TBC1D31: variants seen among roughly 807,000 people sequenced by gnomAD.
TBC1D31 encodes the protein WD repeat domain 67.
In TBC1D31, 99 loss-of-function variants were observed where a neutral mutation model predicts 132.9. The observed-to-expected ratio is 0.74, with a 90% CI of 0.63 to 0.88. TBC1D31 has a LOEUF of 0.88. TBC1D31 is among the 40% of genes least tolerant of loss of function. The pLI is 0.00. For missense variants in TBC1D31, 1,134 were observed against 1,256.6 expected, an observed-to-expected ratio of 0.90 and a Z score of 1.48; for synonymous variants, 385 against 419.4, an observed-to-expected ratio of 0.92 and a Z score of 1.00.
rs147498795 is a variant in TBC1D31 at position 123,129,216 on chromosome 8, G to A, written c.2268G>A (p.Gln756=). Residue 756 remains glutamine, a splice_region_variant and synonymous_variant, in exon 15 of 22, where the codon CAG becomes CAA. Transcript: ENST00000287380. ...AGGAGAAAATGATACAACAAAGACA[G>A]AGGTATGTGTTATCACTTTAAAAAA... ...QEEEKMIQQR[Q]RLAAVKRELK... 3.3e-4 allele frequency: 524 copies of A among 1,567,822 alleles called. 1 individual carries two copies. The African/African-American group carries it at 6.3e-3, about 19-fold the overall frequency.
intron 11 of TBC1D31, among the ~76,000 whole-genome samples, chr8:123,125,770 A>AGTCAGGAGCCAGAATGCC (rs1367918993): frequency 1.3e-5 from 2 of 152,312 alleles, no homozygotes; most frequent in Non-Finnish European, 1.5e-5. Flanking sequence ...ACAAAGCAGG[A>AGTCAGGAGCCAGAATGCC]GTCAGGAGCC....
chr8:123,148,219 T>C (rs1416053124), intron 20 of TBC1D31, among the ~76,000 whole-genome samples: 1 of 152,130 alleles, frequency 6.6e-6, no homozygotes, highest in Non-Finnish European at 1.5e-5. Context: ...GATCTAATAA[T>C]AGTAATAATT....
rs762612207 is a variant in TBC1D31, at chr8:123,082,767, C to A, written c.290C>A (p.Ser97Tyr). ...TALAFNLRRK[S>Y]EFLVALADYS... The stretch of plus-strand genomic sequence containing the variant: ...CTGGCCTTTAATCTTCGTAGGAAAT[C>A]TGAATTCCTTGTGGCATTAGCTGAT... Residue 97 changes from serine to tyrosine, a missense_variant, in exon 3 of 22, where the codon TCT becomes TAT. Physicochemically the swap from Ser to Tyr is moderately radical, Grantham distance 144. Coordinates refer to ENST00000287380, the MANE Select transcript of TBC1D31 (RefSeq NM_145647.4). The A allele has an allele frequency of 7.4e-6, 12 of 1,613,428 alleles. No individual in the cohort carries two copies. The highest frequency in any genetic ancestry group is 6.8e-6 in the Non-Finnish European group (8 of 1,179,968).
intron 16 of TBC1D31, 33 bp downstream of exon 16, chr8:123,130,366 A>C (rs1563740058): frequency 1.3e-6 from 2 of 1,584,088 alleles, no homozygotes; most frequent in East Asian, 4.5e-5. Context: ...CTCATACATC[A>C]TCTCCATTTA....
intron 11 of TBC1D31, among the ~76,000 whole-genome samples, chr8:123,124,782 A>T (rs2130758694): frequency 6.6e-6 from 1 of 151,778 alleles, no homozygotes; most frequent in East Asian, 1.9e-4. Flanking sequence ...ACAAAAAAAA[A>T]AAAAATGAGC....
the TBC1D31 span, among the ~76,000 whole-genome samples, chr8:123,163,225 T>C: frequency 6.6e-6 from 1 of 152,170 alleles, no homozygotes; most frequent in Non-Finnish European, 1.5e-5. Context: ...TGGCCTTTTA[T>C]TTTTTAAACA....
intron 5 of TBC1D31, among the ~76,000 whole-genome samples, chr8:123,095,505 G>A (rs1263126345): frequency 6.6e-6 from 1 of 152,062 alleles, no homozygotes; most frequent in African/African-American, 2.4e-5. Flanking sequence ...TGGTTTATTA[G>A]CATCTTTCAA....
chr8:123,076,961 C>T, intron 1 of TBC1D31, 150 bp from the exon 2 acceptor site: 1 of 617,626 alleles, frequency 1.6e-6, no homozygotes, highest in Non-Finnish European at 2.6e-6. Context: ...TTCTGAAATC[C>T]TGGTAAGATT....
At chr8:123,084,428 T>A in intron 4 of TBC1D31, 88 bp downstream of exon 4, 1 of 1,299,142 alleles carries the variant, frequency 7.7e-7, no homozygotes. Context: ...AGAGTAATGA[T>A]TCACTTTGTC....
rs889270778 is a variant in TBC1D31 at position 123,119,952 on chromosome 8, C to T, written c.1437-103C>T. 99 of 1,023,134 alleles carry T rather than the reference C, an allele frequency of 9.7e-5. No individual in the cohort carries two copies. The African/African-American group carries it at 1.5e-3, about 15-fold the overall frequency. The allele number at this position is 1,023,134 out of a possible 1,614,324, so 63.4% of individuals were successfully genotyped here. A position where few individuals can be genotyped will look rare whatever the true frequency, so the allele number is the denominator to read the frequency against. On this transcript the variant is annotated intron_variant, in intron 10 of 21. Transcript: ENST00000287380. Reference sequence around the variant, plus strand: ...AGAGGTGAACTAGATGATAGGGGTACAAGGAAGAATTTTCACCAAATATAC... The same window carrying T: ...AGAGGTGAACTAGATGATAGGGGTATAAGGAAGAATTTTCACCAAATATAC...
At chr8:123,141,913 T>G (rs1464520561) in intron 18 of TBC1D31, among the ~76,000 whole-genome samples, 4 of 131,028 alleles carry the variant, frequency 3.1e-5, no homozygotes, top group African/African-American at 1.2e-4. Context: ...CAGGCTGGAG[T>G]GCAGTGGCAC....
rs7000263 is a variant in TBC1D31, at chr8:123,090,090, G to A, written c.520-3501G>A. Among the ~76,000 whole-genome samples the A allele has an allele frequency of 3.7e-3, 570 of 152,278 alleles. 2 individuals carry two copies. Among genetic ancestry groups the A allele is most frequent in the African/African-American group, 0.013 (552 of 41,560 alleles). On this transcript the variant is annotated intron_variant, in intron 4 of 21. Coordinates refer to ENST00000287380, the MANE Select transcript of TBC1D31 (RefSeq NM_145647.4). Reference sequence around the variant, plus strand: ...CCGCTGATTTTTGTAAGCAGTAATAGCAGTAATTATTAGTAATAGTAATAG... The same window carrying A: ...CCGCTGATTTTTGTAAGCAGTAATAACAGTAATTATTAGTAATAGTAATAG...
chr8:123,086,083 G>T (rs1815712151), intron 4 of TBC1D31, among the ~76,000 whole-genome samples: 1 of 152,110 alleles, frequency 6.6e-6, no homozygotes, highest in South Asian at 2.1e-4. Flanking sequence ...CCCTTATATA[G>T]TAGCTCCCAT....
At position 123,097,319 on chromosome 8, in the gene TBC1D31, C is replaced by T. The variant is rs768792600; in HGVS notation, c.709C>T (p.His237Tyr). Residue 237 changes from histidine to tyrosine, a missense_variant, in exon 6 of 22, where the codon CAT becomes TAT. Coordinates refer to ENST00000287380, the MANE Select transcript of TBC1D31 (RefSeq NM_145647.4). ...CCTGGCTGCTGGAGGCAAGTCAAAT[C>T]ATCTTCATTTGTGGTGCTTGGAAGC... ...RILAAGGKSN[H>Y]LHLWCLEARQ... 11 of 1,614,012 alleles carry T rather than the reference C, an allele frequency of 6.8e-6. No individual in the cohort carries two copies. In the South Asian group the frequency reaches 1.1e-4, roughly 16 times the overall value.
chr8:123,160,722 C>T, the TBC1D31 span, among the ~76,000 whole-genome samples: 1 of 152,178 alleles, frequency 6.6e-6, no homozygotes, highest in East Asian at 1.9e-4. Context: ...CCGATCCCCA[C>T]GCCAAGGTGG....
At chr8:123,142,575 C>A in intron 19 of TBC1D31, 119 bp downstream of exon 19, 1 of 733,524 alleles carries the variant, frequency 1.4e-6, no homozygotes, top group Non-Finnish European at 2.1e-6. Flanking sequence ...CTTAAGCAAT[C>A]TGCCTGCATC....
At chr8:123,107,588 T>C (rs914945341) in intron 8 of TBC1D31, among the ~76,000 whole-genome samples, 3 of 152,222 alleles carry the variant, frequency 2.0e-5, no homozygotes, top group Admixed American at 1.3e-4. Context: ...CTGAATGGTA[T>C]CTCTGAGATG....
the TBC1D31 span, among the ~76,000 whole-genome samples, chr8:123,157,676 C>T: frequency 6.6e-6 from 1 of 152,022 alleles, no homozygotes; most frequent in East Asian, 1.9e-4. Context: ...AGGAGTTGGG[C>T]GAAGATGCAT....
Position 123,109,629 on chromosome 8 carries a change from T to C in TBC1D31, c.1436+9T>C, listed in dbSNP as rs1818267535. 6.3e-7 allele frequency: 1 copy of C among 1,592,098 alleles called. No individual in the cohort carries two copies. The highest frequency in any genetic ancestry group is 8.5e-7 in the Non-Finnish European group (1 of 1,170,800). On this transcript the variant is annotated intron_variant, in intron 10 of 21. Transcript: ENST00000287380. ...CTCAGAGTATTACAGAGGTATGTTC[T>C]ATATATTGCAGCAATGTGTATGAGA... is the stretch of plus-strand genomic sequence containing the variant.
Sources: gnomAD v4.1 joint callset for allele counts (sites outside exome capture counted in the v4.1 genomes callset) on GRCh38, gnomAD v4.1.1 for gene constraint, MANE v1.5 for transcripts, NCBI Gene and HGNC (gene_info 2026-07-23, HGNC 2026-07-21) for gene names.